Variants in MICU1 observed in about 807,000 individuals in gnomAD.
The protein encoded by MICU1 is mitochondrial calcium uptake 1.
MICU1 carries 45 observed loss-of-function variants against 56.8 expected under a neutral mutation model. The ratio of observed to expected loss-of-function variants is 0.79; its 90% confidence interval spans 0.62 to 1.02. MICU1 has a LOEUF of 1.02. Ranked by LOEUF, MICU1 falls within the 50% of genes least tolerant of loss-of-function variation. The probability of loss-of-function intolerance (pLI) is 0.00; values close to 1 mark genes in which losing one functional copy is unlikely to be tolerated. For missense variants in MICU1, 504 were observed against 587.1 expected (o/e 0.86, Z 1.46); for synonymous variants, 186 against 195.1 (o/e 0.95, Z 0.39).
chr10:72,518,365 A>G (rs1359796991), intron 5 of MICU1, among the ~76,000 whole-genome samples: 1 of 151,960 alleles, frequency 6.6e-6, no homozygotes, highest in Non-Finnish European at 1.5e-5. Context: ...TTGTGTTATT[A>G]ATACACATTT....
At chr10:72,500,302 A>T (rs796790216) in intron 6 of MICU1, among the ~76,000 whole-genome samples, 650 of 9,910 alleles carry the variant, frequency 0.066, 4 homozygotes, top group East Asian at 0.17. Context: ...ATATATATAT[A>T]TTTTTTTTTT....
intron 4 of MICU1, among the ~76,000 whole-genome samples, chr10:72,547,079 C>T (rs1481467968): frequency 1.3e-5 from 2 of 151,838 alleles, no homozygotes; most frequent in African/African-American, 4.8e-5. Context: ...ATTTTTAGTA[C>T]AGACGAGGTT....
At chr10:72,586,762 C>G (rs1841074285) in intron 1 of MICU1, among the ~76,000 whole-genome samples, 1 of 152,068 alleles carries the variant, frequency 6.6e-6, no homozygotes, top group South Asian at 2.1e-4. Flanking sequence ...AATCATCAAA[C>G]CAAAATATGA....
chr10:72,518,314 G>A (rs1485452803), intron 5 of MICU1, among the ~76,000 whole-genome samples: 2 of 151,848 alleles, frequency 1.3e-5, no homozygotes, highest in African/African-American at 2.4e-5. Flanking sequence ...GATTACAGGC[G>A]TGAGCCACTG....
intron 4 of MICU1, among the ~76,000 whole-genome samples, chr10:72,542,360 C>G (rs1839793885): frequency 6.6e-6 from 1 of 152,148 alleles, no homozygotes; most frequent in African/African-American, 2.4e-5. Flanking sequence ...TACTAAGCAG[C>G]ACTACAGAGG....
At chr10:72,494,506 A>G (rs551665199) in intron 6 of MICU1, among the ~76,000 whole-genome samples, 11 of 152,252 alleles carry the variant, frequency 7.2e-5, no homozygotes, top group African/African-American at 2.2e-4. Context: ...AAGACAATGA[A>G]ATTACATAGG....
At chr10:72,495,348 A>G (rs556681607) in intron 6 of MICU1, among the ~76,000 whole-genome samples, 3 of 152,116 alleles carry the variant, frequency 2.0e-5, no homozygotes, top group Non-Finnish European at 4.4e-5. Flanking sequence ...AATTTATTGC[A>G]TAGATGCTTA....
rs893523410 is a variant in MICU1 at position 72,576,510 on chromosome 10, A to G, written c.-1-9716T>C. ...CCAGAGAAAGACCTTAACTCTCTTCAATTATATGAAAGCTGAGCAGTGAGG... is the reference window on the plus strand; with the variant it reads ...CCAGAGAAAGACCTTAACTCTCTTCGATTATATGAAAGCTGAGCAGTGAGG... On this transcript the variant is annotated intron_variant, in intron 1 of 11. Coordinates refer to ENST00000361114, the MANE Select transcript of MICU1 (RefSeq NM_001195518.2). Among the ~76,000 whole-genome samples the G allele has an allele frequency of 3.9e-5, 6 of 152,208 alleles. No individual in the cohort carries two copies. The East Asian group carries it at 1.2e-3, about 29-fold the overall frequency.
At chr10:72,481,355 C>CATA (rs919901916) in intron 6 of MICU1, among the ~76,000 whole-genome samples, 3 of 152,124 alleles carry the variant, frequency 2.0e-5, no homozygotes, top group African/African-American at 7.2e-5. Flanking sequence ...TATTCTAACT[C>CATA]ATAATCTGTT....
At chr10:72,411,322 T>G (rs151091972) in intron 9 of MICU1, among the ~76,000 whole-genome samples, 1 of 151,438 alleles carries the variant, frequency 6.6e-6, no homozygotes, top group East Asian at 1.9e-4. Flanking sequence ...CTAAAGCTCT[T>G]TTACTTTTCT....
chr10:72,520,619 C>G (rs923597265), intron 5 of MICU1, among the ~76,000 whole-genome samples: 4 of 152,114 alleles, frequency 2.6e-5, no homozygotes, highest in African/African-American at 9.7e-5. Flanking sequence ...AGTCCCAATT[C>G]TAACCACCTC....
At chr10:72,524,914 T>C (rs569507220) in intron 5 of MICU1, among the ~76,000 whole-genome samples, 1 of 152,346 alleles carries the variant, frequency 6.6e-6, no homozygotes, top group African/African-American at 2.4e-5. Context: ...AGAAATGTTT[T>C]AGATATTATC....
intron 9 of MICU1, among the ~76,000 whole-genome samples, chr10:72,412,050 T>C (rs1863833022): frequency 6.6e-6 from 1 of 152,220 alleles, no homozygotes; most frequent in African/African-American, 2.4e-5. Flanking sequence ...GAAATTGTAT[T>C]GGACACAGGC....
intron 8 of MICU1, chr10:72,473,253 A>T (rs1208157672): frequency 6.6e-6 from 1 of 152,180 alleles, no homozygotes; most frequent in East Asian, 1.9e-4. Flanking sequence ...TAGTGATTAG[A>T]TGTCGGTGGT....
At chr10:72,394,436 G>A (rs962289903) in intron 10 of MICU1, among the ~76,000 whole-genome samples, 2 of 152,054 alleles carry the variant, frequency 1.3e-5, no homozygotes, top group Admixed American at 6.6e-5. Context: ...AACCAGCCTG[G>A]CCAATGTGGT....
intron 10 of MICU1, chr10:72,392,068 T>A (rs1173254649): frequency 1.3e-5 from 2 of 152,286 alleles, no homozygotes; most frequent in Non-Finnish European, 2.9e-5. Context: ...TTCCATATTT[T>A]GATGATGATT....
intron 7 of MICU1, 84 bp from the exon 8 acceptor site, chr10:72,475,381 G>T: frequency 8.0e-7 from 1 of 1,244,958 alleles, no homozygotes; most frequent in East Asian, 2.6e-5. Context: ...CATAACTATT[G>T]TTTACTATTT....
intron 6 of MICU1, among the ~76,000 whole-genome samples, chr10:72,501,468 T>C (rs989683981): frequency 2.0e-5 from 3 of 151,948 alleles, no homozygotes; most frequent in African/African-American, 7.3e-5. Flanking sequence ...AAACAACATA[T>C]GTTATATTCT....
Position 72,611,463 on chromosome 10 carries a change from T to C in MICU1, c.-2+14547A>G, listed in dbSNP as rs188923321. On this transcript the variant is annotated intron_variant, in intron 1 of 11. Transcript: ENST00000361114. ...CCCGTCTCTACTAAAAATACAAAAA[T>C]TACAAAAATTAGCTGGGTGTGGTGG... 5.7e-4 allele frequency among the ~76,000 whole-genome samples: 85 copies of C among 149,226 alleles called. 1 individual carries two copies. The East Asian group carries it at 0.013, about 23-fold the overall frequency.
Sources: allele counts gnomAD v4.1 joint callset (sites outside exome capture counted in the v4.1 genomes callset), GRCh38; gene constraint gnomAD v4.1.1; transcripts MANE v1.5; gene names NCBI Gene and HGNC (gene_info 2026-07-23, HGNC 2026-07-21).